Variants in RPP40 observed in about 807,000 individuals in gnomAD.
RPP40 encodes the protein ribonuclease P protein subunit p40.
A neutral mutation model predicts 42.5 loss-of-function variants in RPP40; 30 were observed. The observed-to-expected ratio is 0.71, with a 90% confidence interval of 0.53 to 0.96. The LOEUF (loss-of-function observed/expected upper bound fraction) is 0.96. RPP40 is among the 40% of genes least tolerant of loss of function. The pLI is 0.00. For synonymous variants in RPP40, 173 were observed against 164.0 expected, an observed-to-expected ratio of 1.05 and a Z score of -0.42; for missense variants, 426 against 433.5, an observed-to-expected ratio of 0.98 and a Z score of 0.15.
rs747123225 is a variant in RPP40, at chr6:5,003,972, G to A, written c.31C>T (p.Pro11Ser). 5 of 1,612,580 alleles carry A rather than the reference G, an allele frequency of 3.1e-6. No homozygotes were observed. The highest frequency in any genetic ancestry group is 4.2e-6 in the Non-Finnish European group (5 of 1,179,520). The change falls in exon 1 of 8, where the codon CCG becomes TCG. Residue 11 changes from proline to serine, a missense_variant. Physicochemically the swap from Pro to Ser is moderately conservative, Grantham distance 74. Transcript: ENST00000380051. ...TTCTCGCAAACCAGTAAGTGCCGCG[G>A]CGCCTCCCGAAGCCGGCGCAGCGTG... MATLRRLREAPRHLLVCEKSN... is the reference protein window; with the variant it reads MATLRRLREASRHLLVCEKSN...
rs1304841390 is a variant in RPP40 at position 5,000,237 on chromosome 6, GA to G, written c.337+325del. ...CAATCTCATTCTGTCTCCCAGGCTG[GA>G]GCGCAGTGGCGCAATCTTGGCTCAC... is the stretch of plus-strand genomic sequence containing the variant. On this transcript the variant is annotated intron_variant, in intron 3 of 7. Transcript: ENST00000380051. 4.0e-5 allele frequency among the ~76,000 whole-genome samples: 6 copies of G among 151,702 alleles called. No individual in the cohort carries two copies. In the East Asian group the frequency reaches 1.2e-3, roughly 29 times the overall value.
At chr6:4,995,342 A>C (rs927510504) in intron 7 of RPP40, 66 bp from the exon 8 acceptor site, 5 of 1,145,366 alleles carry the variant, frequency 4.4e-6, no homozygotes, top group Non-Finnish European at 6.3e-6. Context: ...ATTTTAAAAA[A>C]TTTATTCAGG....
At position 5,003,961 on chromosome 6, in the gene RPP40, T is replaced by G. The variant is rs772230559; in HGVS notation, c.42A>C (p.Leu14Phe). 3 of 1,613,068 alleles carry G rather than the reference T, an allele frequency of 1.9e-6. No homozygotes were observed. The highest frequency in any genetic ancestry group is 2.5e-6 in the Non-Finnish European group (3 of 1,179,690). Residue 14 changes from leucine (L) to phenylalanine (F), a missense_variant, in exon 1 of 8, where the codon TTA becomes TTC. Coordinates refer to ENST00000380051, the MANE Select transcript of RPP40 (RefSeq NM_006638.4). ...CGAAGTTGGATTTCTCGCAAACCAGTAAGTGCCGCGGCGCCTCCCGAAGCC... is the reference window on the plus strand; with the variant it reads ...CGAAGTTGGATTTCTCGCAAACCAGGAAGTGCCGCGGCGCCTCCCGAAGCC... ...LRRLREAPRH[L>F]LVCEKSNFGN...
chr6:4,995,185 G>A lies in RPP40; in HGVS notation c.985C>T (p.His329Tyr), dbSNP rs760581030. ...DSPVSWEKNE[H>Y]GFRKGGEHLY... ...TGTTCTCCTCCTTTTCGAAAACCAT[G>A]TTCATTTTTTTCCCAAGAAACAGGG... The change falls in exon 8 of 8, where the codon CAT becomes TAT. Residue 329 changes from histidine to tyrosine, a missense_variant. By Grantham distance (83) the His-to-Tyr change is moderately conservative. Coordinates refer to ENST00000380051, the MANE Select transcript of RPP40 (RefSeq NM_006638.4). 7 of 1,614,018 alleles carry A rather than the reference G, an allele frequency of 4.3e-6. No individual in the cohort carries two copies. In the South Asian group the frequency reaches 7.7e-5, roughly 18 times the overall value.
intron 2 of RPP40, 73 bp downstream of exon 2, chr6:5,002,028 C>T: frequency 3.7e-6 from 5 of 1,350,900 alleles, no homozygotes; most frequent in Non-Finnish European, 5.2e-6. Context: ...AAACAACAGC[C>T]CTAGCATCGT....
Position 5,003,968 on chromosome 6 carries a change from C to G in RPP40, c.35G>C (p.Arg12Pro), listed in dbSNP as rs201338471. The G allele has an allele frequency of 1.9e-6, 3 of 1,612,644 alleles. No homozygotes were observed. The highest frequency in any genetic ancestry group is 2.5e-6 in the Non-Finnish European group (3 of 1,179,530). The change falls in exon 1 of 8, where the codon CGG becomes CCG. Residue 12 changes from arginine to proline, a missense_variant. Coordinates refer to ENST00000380051, the MANE Select transcript of RPP40 (RefSeq NM_006638.4). ...GGATTTCTCGCAAACCAGTAAGTGC[C>G]GCGGCGCCTCCCGAAGCCGGCGCAG... ...ATLRRLREAPRHLLVCEKSNF... is the reference protein window; with the variant it reads ...ATLRRLREAPPHLLVCEKSNF...
chr6:4,997,017 C>A (rs1177841035), intron 5 of RPP40, among the ~76,000 whole-genome samples: 1 of 152,190 alleles, frequency 6.6e-6, no homozygotes, highest in African/African-American at 2.4e-5. Context: ...GCTTACTGTC[C>A]CTTACAAAGG....
intron 4 of RPP40, among the ~76,000 whole-genome samples, chr6:4,999,456 G>A (rs1439790810): frequency 6.6e-6 from 1 of 151,880 alleles, no homozygotes; most frequent in Non-Finnish European, 1.5e-5. Flanking sequence ...GCGCCACCAC[G>A]CCCAGCTAAT....
downstream of RPP40, among the ~76,000 whole-genome samples, chr6:4,993,494 G>A (rs1320087963): frequency 2.0e-5 from 3 of 152,148 alleles, no homozygotes; most frequent in South Asian, 2.1e-4. Flanking sequence ...AGACTTAACG[G>A]CCTGCTTCTG....
At chr6:4,995,404 T>C (rs1318840771) in intron 7 of RPP40, 128 bp from the exon 8 acceptor site, 3 of 710,230 alleles carry the variant, frequency 4.2e-6, no homozygotes, top group Non-Finnish European at 6.9e-6. Flanking sequence ...GCTTTAATTT[T>C]TGAAAATCAA....
chr6:4,989,465 CACAT>C, the RPP40 span, among the ~76,000 whole-genome samples: 1 of 152,066 alleles, frequency 6.6e-6, no homozygotes, highest in Non-Finnish European at 1.5e-5. Flanking sequence ...CACACACACA[CACAT>C]AGGCTGCTGG....
intron 1 of RPP40, among the ~76,000 whole-genome samples, chr6:5,002,608 G>C (rs1759596867): frequency 1.3e-5 from 2 of 152,054 alleles, no homozygotes; most frequent in South Asian, 4.2e-4. Flanking sequence ...AATATCCCTT[G>C]ATTTGTTTAC....
chr6:5,003,810 A>G (rs1759665059), intron 1 of RPP40, 70 bp downstream of exon 1: 4 of 1,520,378 alleles, frequency 2.6e-6, no homozygotes, highest in Middle Eastern at 1.8e-4. Flanking sequence ...GAAGCCTAGC[A>G]CTCTCCCCAA....
chr6:5,000,490 C>T (rs1405319061), intron 3 of RPP40, 73 bp downstream of exon 3: 14 of 695,702 alleles, frequency 2.0e-5, no homozygotes, highest in African/African-American at 1.2e-4. Context: ...GCCCAGCTGA[C>T]TTTTTTTTTT....
At chr6:5,000,969 A>T (rs1026800210) in intron 2 of RPP40, 1 of 450,498 alleles carries the variant, frequency 2.2e-6, no homozygotes, top group African/African-American at 2.0e-5. Context: ...CATGCAGAAG[A>T]CCAAGCATGC....
intron 2 of RPP40, 72 bp downstream of exon 2, chr6:5,002,029 C>CTAG: frequency 7.3e-7 from 1 of 1,370,260 alleles, no homozygotes; most frequent in South Asian, 1.3e-5. Context: ...AACAACAGCC[C>CTAG]TAGCATCGTG....
Position 5,002,145 on chromosome 6 carries a change from T to G in RPP40, c.224A>C (p.His75Pro), listed in dbSNP as rs770555822. ...PYYFVKNLPLHELITPEFIST... is the reference protein window; with the variant it reads ...PYYFVKNLPLPELITPEFIST... ...GATGAATTCAGGTGTAATTAATTCATGAAGAGGTAAATTCTTCACAAAGTA... is the reference window on the plus strand; with the variant it reads ...GATGAATTCAGGTGTAATTAATTCAGGAAGAGGTAAATTCTTCACAAAGTA... Residue 75 changes from histidine to proline, a missense_variant, in exon 2 of 8, where the codon CAT becomes CCT. Transcript: ENST00000380051. 2.5e-6 allele frequency: 4 copies of G among 1,613,100 alleles called. No homozygotes were observed. Among genetic ancestry groups the G allele is most frequent in the Non-Finnish European group, 3.4e-6 (4 of 1,179,110 alleles).
In RPP40 at chr6:4,995,259, G is replaced by A. The variant is rs779163622; in HGVS notation, c.911C>T (p.Pro304Leu). ...LEHLCHYFDEPKLAPWVTLSV... is the reference protein window; with the variant it reads ...LEHLCHYFDELKLAPWVTLSV... ...CAGTGTAACCCATGGAGCTAACTTC[G>A]GTTCATCAAAGTAGTGACTGAAAAA... The change falls in exon 8 of 8, where the codon CCG (proline) becomes CTG (leucine). Residue 304 changes from proline (P) to leucine (L), a missense_variant. Pro to Leu is a moderately conservative substitution (Grantham distance 98). Transcript: ENST00000380051. 1.9e-5 allele frequency: 31 copies of A among 1,612,678 alleles called. No individual in the cohort carries two copies. The highest frequency in any genetic ancestry group is 1.2e-4 in the Admixed American group (7 of 59,856).
At chr6:4,989,221 C>T in the RPP40 span, among the ~76,000 whole-genome samples, 4 of 152,076 alleles carry the variant, frequency 2.6e-5, no homozygotes, top group African/African-American at 9.7e-5. Flanking sequence ...TTTCTTATTG[C>T]TGAGTTTTGA....
Sources: gnomAD v4.1 joint callset for allele counts (sites outside exome capture counted in the v4.1 genomes callset) on GRCh38, gnomAD v4.1.1 for gene constraint, MANE v1.5 for transcripts, NCBI Gene and HGNC (gene_info 2026-07-23, HGNC 2026-07-21) for gene names.